Variants in XRN1 observed in about 807,000 individuals in gnomAD.
XRN1 encodes the protein strand-exchange protein 1 homolog.
A neutral mutation model predicts 222.3 loss-of-function variants in XRN1; 67 were observed. The ratio of observed to expected loss-of-function variants is 0.30; its 90% CI spans 0.25 to 0.37. The LOEUF (loss-of-function observed/expected upper bound fraction) is 0.37, where lower values mean the gene tolerates loss of function less well. Ranked by LOEUF, XRN1 falls within the 10% of genes least tolerant of loss-of-function variation. The pLI is 1.00. For synonymous variants in XRN1, 643 were observed against 652.4 expected (o/e 0.99, Z 0.22); for missense variants, 1,707 against 2,000.2 (o/e 0.85, Z 2.80).
rs1325469337 is a variant in XRN1 at position 142,419,021 on chromosome 3, C to T, written c.1174-140G>A. ...TTCATATCCTGCCCATCTGTTTTTC[C>T]TCCCTTGTGATCTCAATCCTTTCTC... On this transcript the variant is annotated intron_variant, in intron 10 of 40. Coordinates refer to ENST00000392981, the MANE Select transcript of XRN1 (RefSeq NM_001282857.2). 6 of 764,684 alleles carry T rather than the reference C, an allele frequency of 7.8e-6. No individual in the cohort carries two copies. The Admixed American group carries it at 1.3e-4, about 17-fold the overall frequency. The allele number at this position is 764,684 out of a possible 1,614,324, so 47.4% of individuals were successfully genotyped here.
rs775168476 is a variant in XRN1 at position 142,329,444 on chromosome 3, C to G, written c.4394G>C (p.Arg1465Thr). The G allele has an allele frequency of 6.4e-6, 10 of 1,571,894 alleles. No individual in the cohort carries two copies. The East Asian group carries it at 2.3e-4, about 37-fold the overall frequency. Residue 1465 changes from arginine to threonine, a missense_variant, in exon 37 of 41, where the codon AGG (arginine) becomes ACG (threonine). Arg to Thr is a moderately conservative substitution (Grantham distance 71). Transcript: ENST00000392981. ...GMPQPDFSFL[R>T]MPQTMTVCQV... ...AGTAGTATACTATACCTGTGGCATC[C>G]TAAGAAAGGAGAAATCAGGTTGTGG...
At chr3:142,431,544 C>T (rs779248900) in intron 2 of XRN1, among the ~76,000 whole-genome samples, 21 of 150,644 alleles carry the variant, frequency 1.4e-4, no homozygotes, top group Middle Eastern at 3.5e-3. Context: ...TGGCTGGGCA[C>T]GGTGGCTCAC....
chr3:142,403,996 A>T lies in XRN1; in HGVS notation c.1884-7T>A. The T allele has an allele frequency of 6.4e-7, 1 of 1,556,172 alleles. No individual in the cohort carries two copies. The highest frequency in any genetic ancestry group is 8.8e-7 in the Non-Finnish European group (1 of 1,134,858). On this transcript the variant is annotated splice_region_variant and splice_polypyrimidine_tract_variant and intron_variant, in intron 16 of 40. Transcript: ENST00000392981. ...TAAGGATATTATTTTATACCTAGAA[A>T]ATAAATCAAGGCATTTAATTTAAAA...
At chr3:142,437,913 C>A (rs373011657) in intron 1 of XRN1, among the ~76,000 whole-genome samples, 142 of 152,248 alleles carry the variant, frequency 9.3e-4, no homozygotes, top group African/African-American at 2.9e-3. Flanking sequence ...CAAAAAAGGA[C>A]ACACAAATGG....
intron 1 of XRN1, among the ~76,000 whole-genome samples, chr3:142,444,465 G>A (rs945785973): frequency 3.3e-5 from 5 of 152,096 alleles, no homozygotes; most frequent in African/African-American, 4.8e-5. Flanking sequence ...ACAAAAATTA[G>A]CTAGGCGTAG....
rs773410117 is a variant in XRN1 at position 142,329,429 on chromosome 3, T to G, written c.4404+5A>C. 1.9e-6 allele frequency: 3 copies of G among 1,549,434 alleles called. No homozygotes were observed. The African/African-American group carries it at 4.2e-5, about 22-fold the overall frequency. ...TTATATAAATAGAACAGTAGTATAC[T>G]ATACCTGTGGCATCCTAAGAAAGGA... On this transcript the variant is annotated splice_donor_5th_base_variant and intron_variant, in intron 37 of 40. Coordinates refer to ENST00000392981, the MANE Select transcript of XRN1 (RefSeq NM_001282857.2).
chr3:142,330,431 C>G (rs145980781), intron 36 of XRN1, among the ~76,000 whole-genome samples: 1 of 152,174 alleles, frequency 6.6e-6, no homozygotes, highest in East Asian at 1.9e-4. Flanking sequence ...AACAAACTCA[C>G]TAATAGAACA....
intron 22 of XRN1, among the ~76,000 whole-genome samples, chr3:142,381,087 G>T (rs554858935): frequency 1.0e-4 from 15 of 149,534 alleles, no homozygotes; most frequent in Non-Finnish European, 1.8e-4. Context: ...GTAATAGAGC[G>T]AGACTCTGTC....
At chr3:142,416,192 TGA>T (rs1399890482) in intron 13 of XRN1, among the ~76,000 whole-genome samples, 1 of 152,216 alleles carries the variant, frequency 6.6e-6, no homozygotes, top group Admixed American at 6.5e-5. Context: ...TTTATTTATT[TGA>T]GAGACAGAGT....
chr3:142,393,276 G>A (rs544360962), intron 20 of XRN1, among the ~76,000 whole-genome samples: 6 of 149,924 alleles, frequency 4.0e-5, no homozygotes, highest in East Asian at 3.9e-4. Context: ...TTTGTAGGTC[G>A]CCTGTTCACT....
chr3:142,311,618 A>G lies in XRN1; in HGVS notation c.4978T>C (p.Ser1660Pro), dbSNP rs368458027. ...PASSFQVETASQGHSISHHKS... is the reference protein window; with the variant it reads ...PASSFQVETAPQGHSISHHKS... ...TGGTGAGATATACTATGGCCTTGAG[A>G]GGCAGTTTCAACTTGAAAAGAAGAT... The change falls in exon 41 of 41, where the codon TCT becomes CCT. Residue 1660 changes from serine (S) to proline (P), a missense_variant. This residue lies in a region of XRN1 where 473 missense variants were observed against 482.0 expected (regional missense o/e 0.98). Coordinates refer to ENST00000392981, the MANE Select transcript of XRN1 (RefSeq NM_001282857.2). The G allele has an allele frequency of 7.4e-6, 12 of 1,614,018 alleles. No homozygotes were observed. The African/African-American group carries it at 1.5e-4, about 20-fold the overall frequency.
intron 33 of XRN1, among the ~76,000 whole-genome samples, chr3:142,336,639 AG>A (rs1248377001): frequency 6.6e-6 from 1 of 151,680 alleles, no homozygotes; most frequent in African/African-American, 2.4e-5. Flanking sequence ...GAGGAAGGGG[AG>A]TAAAGGAAGG....
At chr3:142,429,581 T>C (rs1222174058) in intron 2 of XRN1, 1 of 152,194 alleles carries the variant, frequency 6.6e-6, no homozygotes, top group Non-Finnish European at 1.5e-5. Flanking sequence ...GAAAACTGAC[T>C]AGGGGATTTC....
chr3:142,420,219 A>C (rs2068954857), intron 10 of XRN1: 1 of 152,082 alleles, frequency 6.6e-6, no homozygotes, highest in African/African-American at 2.4e-5. Context: ...GGAAAGTGTG[A>C]ATGCAGTCCT....
At chr3:142,418,953 G>A (rs112970879) in intron 10 of XRN1, 72 bp from the exon 11 acceptor site, 11 of 1,404,760 alleles carry the variant, frequency 7.8e-6, no homozygotes, top group African/African-American at 4.2e-5. Flanking sequence ...TCTCTTCCAT[G>A]CACCCATTTG....
intron 20 of XRN1, among the ~76,000 whole-genome samples, chr3:142,390,138 T>C (rs1198580262): frequency 6.6e-6 from 1 of 152,222 alleles, no homozygotes; most frequent in Admixed American, 6.5e-5. Flanking sequence ...GGCATAGATT[T>C]AGCACAATTC....
intron 31 of XRN1, among the ~76,000 whole-genome samples, chr3:142,356,507 T>C (rs912376259): frequency 2.6e-5 from 4 of 152,200 alleles, no homozygotes; most frequent in African/African-American, 4.8e-5. Flanking sequence ...AATTGTATGG[T>C]AGAAACTTGA....
intron 15 of XRN1, among the ~76,000 whole-genome samples, chr3:142,411,444 T>C (rs987755847): frequency 5.3e-5 from 8 of 152,136 alleles, no homozygotes; most frequent in Admixed American, 1.3e-4. Context: ...TTTAAACCTT[T>C]TTCTTGTTTA....
At chr3:142,398,254 A>G (rs371904660) in intron 19 of XRN1, among the ~76,000 whole-genome samples, 24 of 152,140 alleles carry the variant, frequency 1.6e-4, no homozygotes, top group African/African-American at 5.3e-4. Flanking sequence ...TCAGTCAGTC[A>G]GTCAATAAAA....
Sources: gnomAD v4.1 joint callset for allele counts (sites outside exome capture counted in the v4.1 genomes callset) on GRCh38, gnomAD v4.1.1 for gene constraint, gnomAD v4.1.1 regional missense constraint, MANE v1.5 for transcripts, NCBI Gene and HGNC (gene_info 2026-07-23, HGNC 2026-07-21) for gene names.